INPP4B: variants seen among roughly 807,000 people sequenced by gnomAD.
The protein encoded by INPP4B is inositol polyphosphate-4-phosphatase type II B.
A neutral mutation model predicts 122.5 loss-of-function variants in INPP4B; 55 were observed. The observed-to-expected ratio is 0.45, with a 90% CI of 0.36 to 0.56. INPP4B has a LOEUF of 0.56. INPP4B is among the 20% of genes least tolerant of loss of function. The pLI is 0.00. For missense variants in INPP4B, 1,000 were observed against 1,097.7 expected (o/e 0.91, Z 1.26); for synonymous variants, 403 against 388.7 (o/e 1.04, Z -0.43).
intron 1 of INPP4B, among the ~76,000 whole-genome samples, chr4:142,763,508 G>T (rs143366960): frequency 6.6e-6 from 1 of 152,124 alleles, no homozygotes; most frequent in South Asian, 2.1e-4. Flanking sequence ...CAGGATGGAA[G>T]AGTTTCACCA....
At chr4:142,655,777 C>T in intron 2 of INPP4B, among the ~76,000 whole-genome samples, 1 of 152,064 alleles carries the variant, frequency 6.6e-6, no homozygotes, top group East Asian at 1.9e-4. Flanking sequence ...ATTTAAAGTA[C>T]ATTATTCCTT....
chr4:142,566,610 C>T (rs1394625913), intron 2 of INPP4B, among the ~76,000 whole-genome samples: 1 of 152,124 alleles, frequency 6.6e-6, no homozygotes, highest in African/African-American at 2.4e-5. Context: ...AGAGGGATAA[C>T]ACATAGGAAT....
intron 2 of INPP4B, among the ~76,000 whole-genome samples, chr4:142,521,510 A>G (rs561581633): frequency 4.6e-5 from 7 of 152,028 alleles, no homozygotes; most frequent in Non-Finnish European, 1.0e-4. Context: ...TACAACAAGT[A>G]CTGGCCACAT....
chr4:142,539,133 A>C (rs983889903), intron 2 of INPP4B, among the ~76,000 whole-genome samples: 3 of 146,560 alleles, frequency 2.0e-5, no homozygotes, highest in African/African-American at 7.4e-5. Flanking sequence ...CTAAGTAGCA[A>C]ATTTTTTTCT....
At chr4:142,187,945 T>C (rs996470864) in intron 15 of INPP4B, among the ~76,000 whole-genome samples, 3 of 152,026 alleles carry the variant, frequency 2.0e-5, no homozygotes, top group Admixed American at 6.6e-5. Flanking sequence ...AGTTTTGCCG[T>C]TTCAAATTTT....
intron 1 of INPP4B, among the ~76,000 whole-genome samples, chr4:142,746,222 A>G (rs1768722991): frequency 6.6e-6 from 1 of 151,994 alleles, no homozygotes; most frequent in Non-Finnish European, 1.5e-5. Flanking sequence ...ATTCCTTTAC[A>G]CTAATAATAG....
chr4:142,724,434 G>A (rs1580780479), intron 2 of INPP4B, among the ~76,000 whole-genome samples: 1 of 151,942 alleles, frequency 6.6e-6, no homozygotes, highest in African/African-American at 2.4e-5. Flanking sequence ...CTTCCATTGA[G>A]TTGCCTTCAA....
At position 142,025,835 on chromosome 4, in the gene INPP4B, G is replaced by C. The variant is rs1736847546; in HGVS notation, c.*2947C>G. 1 of 152,152 alleles carries C rather than the reference G, an allele frequency of 6.6e-6. No individual in the cohort carries two copies. The highest frequency in any genetic ancestry group is 6.6e-5 in the Admixed American group (1 of 15,258). 9.4% of individuals were successfully genotyped at this position (152,152 alleles called of 1,614,324 possible). On this transcript the variant is annotated 3_prime_UTR_variant, in exon 26 of 26. Transcript: ENST00000262992. Reference sequence around the variant, plus strand: ...TACAATTTATCACTTGGAACAAATGGTTGCTCGACTCACTGAATTATGAGG... The same window carrying C: ...TACAATTTATCACTTGGAACAAATGCTTGCTCGACTCACTGAATTATGAGG...
At chr4:142,313,273 G>A (rs1766255399) in intron 8 of INPP4B, among the ~76,000 whole-genome samples, 1 of 152,206 alleles carries the variant, frequency 6.6e-6, no homozygotes, top group African/African-American at 2.4e-5. Flanking sequence ...CAGTGGTGGA[G>A]TGGGGTCGGG....
At chr4:142,231,052 C>A (rs1854115300) in intron 12 of INPP4B, among the ~76,000 whole-genome samples, 2 of 152,140 alleles carry the variant, frequency 1.3e-5, no homozygotes, top group Non-Finnish European at 2.9e-5. Flanking sequence ...TGAAGGGAGC[C>A]CCCAAAGGAT....
At chr4:142,462,950 T>G (rs1478977432) in intron 2 of INPP4B, among the ~76,000 whole-genome samples, 5 of 152,226 alleles carry the variant, frequency 3.3e-5, no homozygotes, top group Non-Finnish European at 1.5e-5. Context: ...AAATTATAGC[T>G]GATCCTTGTT....
At chr4:142,811,713 T>A (rs539111040) in intron 1 of INPP4B, among the ~76,000 whole-genome samples, 1 of 152,250 alleles carries the variant, frequency 6.6e-6, no homozygotes, top group South Asian at 2.1e-4. Context: ...AAATTTTGCG[T>A]GTACATTGAT....
intron 2 of INPP4B, among the ~76,000 whole-genome samples, chr4:142,646,326 T>C (rs188821843): frequency 6.6e-6 from 1 of 152,240 alleles, no homozygotes; most frequent in Admixed American, 6.5e-5. Context: ...ATAATATTTT[T>C]AGACTATCAG....
intron 18 of INPP4B, among the ~76,000 whole-genome samples, chr4:142,128,322 T>C (rs1463968544): frequency 8.8e-5 from 13 of 147,490 alleles, no homozygotes. Context: ...ATGTGTGTAT[T>C]TCAGGATTTC....
chr4:142,327,401 G>A lies in INPP4B; in HGVS notation c.373-12639C>T, dbSNP rs1035202331. Among the ~76,000 whole-genome samples the A allele has an allele frequency of 2.0e-5, 3 of 151,228 alleles. No individual in the cohort carries two copies. The East Asian group carries it at 5.8e-4, about 29-fold the overall frequency. ...ACCAAACCCCCCATACAAATTAATT[G>A]ATTTACATAATCAGCCTACAAAGTA... On this transcript the variant is annotated intron_variant, in intron 7 of 25. Transcript: ENST00000262992.
At chr4:142,833,632 A>AT (rs765559860) in intron 1 of INPP4B, among the ~76,000 whole-genome samples, 53 of 148,272 alleles carry the variant, frequency 3.6e-4, no homozygotes, top group African/African-American at 6.9e-4. Flanking sequence ...GAATACAATG[A>AT]TTTTTTTTTT....
At chr4:142,221,389 C>CAAAAA (rs570703001) in intron 12 of INPP4B, among the ~76,000 whole-genome samples, 21 of 28,556 alleles carry the variant, frequency 7.4e-4, no homozygotes, top group Non-Finnish European at 9.7e-4. Flanking sequence ...GACTCCTTCT[C>CAAAAA]AAAAAAAAAA....
chr4:142,325,064 C>A (rs1245311923), intron 7 of INPP4B, among the ~76,000 whole-genome samples: 2 of 152,160 alleles, frequency 1.3e-5, no homozygotes, highest in Non-Finnish European at 2.9e-5. Context: ...TCTCCTTGCT[C>A]TGGAAATTTG....
intron 20 of INPP4B, 56 bp from the exon 21 acceptor site, chr4:142,122,301 A>G: frequency 8.2e-7 from 1 of 1,217,382 alleles, no homozygotes; most frequent in Non-Finnish European, 1.2e-6. Context: ...AAATGTCACT[A>G]GCTACTATGC....
Sources: allele counts gnomAD v4.1 joint callset (sites outside exome capture counted in the v4.1 genomes callset), GRCh38; gene constraint gnomAD v4.1.1; transcripts MANE v1.5; gene names NCBI Gene and HGNC (gene_info 2026-07-23, HGNC 2026-07-21).